CCSER2: variants seen among roughly 807,000 people sequenced by gnomAD.
CCSER2 encodes the protein coiled-coil serine rich protein 2.
In CCSER2, 46 loss-of-function variants were observed where a neutral mutation model predicts 92.3. That is an observed-to-expected ratio of 0.50 (90% CI 0.39 to 0.64). The LOEUF (loss-of-function observed/expected upper bound fraction) is 0.64. Ranked by LOEUF, CCSER2 falls within the 30% of genes least tolerant of loss-of-function variation. The pLI is 0.00. For synonymous variants in CCSER2, 433 were observed against 431.4 expected (o/e 1.00, Z -0.04); for missense variants, 1,244 against 1,238.9 (o/e 1.00, Z -0.06).
At chr10:84,416,879 C>T (rs978266092) in intron 3 of CCSER2, among the ~76,000 whole-genome samples, 4 of 151,980 alleles carry the variant, frequency 2.6e-5, no homozygotes, top group African/African-American at 7.2e-5. Flanking sequence ...TGCAGTGAGC[C>T]GAGATCGCGC....
chr10:84,377,866 A>G (rs184474731), intron 3 of CCSER2, among the ~76,000 whole-genome samples: 26 of 152,268 alleles, frequency 1.7e-4, no homozygotes, highest in African/African-American at 6.3e-4. Flanking sequence ...TTATAATTTT[A>G]TGAGTTTTTG....
chr10:84,334,905 A>G (rs1344626002), intron 1 of CCSER2, among the ~76,000 whole-genome samples: 1 of 152,030 alleles, frequency 6.6e-6, no homozygotes, highest in Non-Finnish European at 1.5e-5. Context: ...TCTGTCCTTG[A>G]TAAGGACAGT....
At chr10:84,435,897 A>G (rs1467920367) in intron 5 of CCSER2, among the ~76,000 whole-genome samples, 1 of 152,152 alleles carries the variant, frequency 6.6e-6, no homozygotes, top group Non-Finnish European at 1.5e-5. Context: ...CTGATTTAAG[A>G]TGAAGAGGAA....
intron 8 of CCSER2, among the ~76,000 whole-genome samples, chr10:84,477,271 C>G (rs1847204111): frequency 1.3e-5 from 2 of 152,134 alleles, no homozygotes; most frequent in Admixed American, 6.5e-5. Flanking sequence ...GGCTGACTCT[C>G]AAACCCACTC....
intron 1 of CCSER2, among the ~76,000 whole-genome samples, chr10:84,366,166 A>G (rs1845765581): frequency 6.6e-6 from 1 of 151,870 alleles, no homozygotes; most frequent in South Asian, 2.1e-4. Context: ...ATGGCCTTCA[A>G]CTCCTGAGCT....
At chr10:84,362,081 G>T (rs930305890) in intron 1 of CCSER2, among the ~76,000 whole-genome samples, 1 of 152,184 alleles carries the variant, frequency 6.6e-6, no homozygotes, top group African/African-American at 2.4e-5. Flanking sequence ...AACCCAGTAT[G>T]TGCCATTAGT....
intron 1 of CCSER2, among the ~76,000 whole-genome samples, chr10:84,337,650 CTCT>C (rs1255968795): frequency 6.6e-6 from 1 of 152,172 alleles, no homozygotes; most frequent in Non-Finnish European, 1.5e-5. Context: ...AAGATGGATG[CTCT>C]TCTTTTTTTG....
chr10:84,354,949 A>C lies in CCSER2; in HGVS notation c.-39-16065A>C, dbSNP rs183116802. Among the ~76,000 whole-genome samples the C allele has an allele frequency of 1.5e-3, 233 of 151,874 alleles. 3 individuals are homozygous for C. The highest frequency in any genetic ancestry group is 7.3e-3 in the South Asian group (35 of 4,794). Reference sequence around the variant, plus strand: ...ATCTCCCACATCTAATCAATCACTCATCCATTTATTTGCTAAATATTATGT... The same window carrying C: ...ATCTCCCACATCTAATCAATCACTCCTCCATTTATTTGCTAAATATTATGT... On this transcript the variant is annotated intron_variant, in intron 1 of 9. Coordinates refer to ENST00000372088, the MANE Select transcript of CCSER2 (RefSeq NM_001284240.2).
chr10:84,368,320 CTT>C (rs1400830970), intron 1 of CCSER2, among the ~76,000 whole-genome samples: 1 of 151,830 alleles, frequency 6.6e-6, no homozygotes, highest in Non-Finnish European at 1.5e-5. Flanking sequence ...ACTTTTTAAA[CTT>C]TATAAGTTCT....
intron 1 of CCSER2, among the ~76,000 whole-genome samples, chr10:84,353,564 C>T (rs1844986920): frequency 6.6e-6 from 1 of 152,188 alleles, no homozygotes; most frequent in Admixed American, 6.5e-5. Flanking sequence ...CCTGCAGCCC[C>T]ATTCAGCTGC....
rs778253885 is a variant in CCSER2 at position 84,371,463 on chromosome 10, G to T, written c.411G>T (p.Glu137Asp). 8.1e-6 allele frequency: 13 copies of T among 1,613,730 alleles called. No individual in the cohort carries two copies. In the Admixed American group the frequency reaches 8.3e-5, roughly 10 times the overall value. ...PSTMFVSSTE[E>D]LNQKSFSGPS... is the part of the protein sequence containing the mutation. ...CTATGTTTGTGTCATCTACAGAGGA[G>T]TTAAACCAAAAGTCTTTTTCTGGAC... The change falls in exon 2 of 10, where the codon GAG becomes GAT. Residue 137 changes from glutamate (E) to aspartate (D), a missense_variant. Glu to Asp is a conservative substitution (Grantham distance 45). Coordinates refer to ENST00000372088, the MANE Select transcript of CCSER2 (RefSeq NM_001284240.2).
intron 3 of CCSER2, among the ~76,000 whole-genome samples, chr10:84,384,871 C>T (rs1841103205): frequency 6.6e-6 from 1 of 152,080 alleles, no homozygotes; most frequent in African/African-American, 2.4e-5. Context: ...CTAAAGATTC[C>T]TCCAAAAGAC....
rs1181205035 is a variant in CCSER2 at position 84,374,020 on chromosome 10, T to G, written c.1614+205T>G. On this transcript the variant is annotated intron_variant, in intron 3 of 9. Coordinates refer to ENST00000372088, the MANE Select transcript of CCSER2 (RefSeq NM_001284240.2). Reference sequence around the variant, plus strand: ...TATATGACATTTGACTTAAATATACTCAACATGTTTACATATATATTCCTC... The same window carrying G: ...TATATGACATTTGACTTAAATATACGCAACATGTTTACATATATATTCCTC... The G allele has an allele frequency of 2.7e-6, 3 of 1,120,682 alleles. No homozygotes were observed. In the East Asian group the frequency reaches 7.8e-5, roughly 29 times the overall value. The allele number at this position is 1,120,682 out of a possible 1,614,324, so 69.4% of individuals were successfully genotyped here.
In CCSER2 at chr10:84,496,316, C is replaced by T. The variant is rs182481355; in HGVS notation, c.2326-17133C>T. Among the ~76,000 whole-genome samples the T allele has an allele frequency of 1.3e-4, 19 of 151,950 alleles. No individual in the cohort carries two copies. In the East Asian group the frequency reaches 3.3e-3, roughly 26 times the overall value. ...TTTTTTCTTTTTTGAGACGGAGTCTCGCTCTGTCGCCCAGGCTGGAGTGCA... is the reference window on the plus strand; with the variant it reads ...TTTTTTCTTTTTTGAGACGGAGTCTTGCTCTGTCGCCCAGGCTGGAGTGCA... On this transcript the variant is annotated intron_variant, in intron 9 of 9. Transcript: ENST00000372088.
At chr10:84,451,292 C>T (rs1212012690) in intron 6 of CCSER2, among the ~76,000 whole-genome samples, 4 of 122,698 alleles carry the variant, frequency 3.3e-5, no homozygotes, top group African/African-American at 1.3e-4. Flanking sequence ...TTTTAAAGAA[C>T]AGGGTCTTGC....
chr10:84,501,227 C>G (rs1848701231), intron 9 of CCSER2, among the ~76,000 whole-genome samples: 1 of 152,142 alleles, frequency 6.6e-6, no homozygotes, highest in African/African-American at 2.4e-5. Flanking sequence ...TTTAAATAAT[C>G]CCAGCACAAA....
intron 3 of CCSER2, among the ~76,000 whole-genome samples, chr10:84,378,910 G>A (rs1222069549): frequency 6.6e-6 from 1 of 152,120 alleles, no homozygotes; most frequent in African/African-American, 2.4e-5. Flanking sequence ...ATGTTCATGA[G>A]TAAGATTGTT....
rs556475948 is a variant in CCSER2 at position 84,470,324 on chromosome 10, C to T, written c.2149-48C>T. ...TCTTCATCATTGATTTCATGCCTCT[C>T]ATTATGGTATTTTAAATACCTCATC... On this transcript the variant is annotated intron_variant, in intron 7 of 9. Coordinates refer to ENST00000372088, the MANE Select transcript of CCSER2 (RefSeq NM_001284240.2). The T allele has an allele frequency of 2.8e-5, 29 of 1,027,494 alleles. No individual in the cohort carries two copies. The African/African-American group carries it at 4.7e-4, about 17-fold the overall frequency. 63.6% of individuals were successfully genotyped at this position (1,027,494 alleles called of 1,614,324 possible).
chr10:84,498,861 C>T (rs1012321319), intron 9 of CCSER2, among the ~76,000 whole-genome samples: 1 of 152,222 alleles, frequency 6.6e-6, no homozygotes. Context: ...TAACATTGAA[C>T]AGTTACTTTC....
Sources: gnomAD v4.1 joint callset for allele counts (sites outside exome capture counted in the v4.1 genomes callset) on GRCh38, gnomAD v4.1.1 for gene constraint, MANE v1.5 for transcripts, NCBI Gene and HGNC (gene_info 2026-07-23, HGNC 2026-07-21) for gene names.